The following ADAMTSL3 variants were observed in gnomAD, a reference collection of about 807,000 sequenced individuals.
ADAMTSL3 encodes the protein ADAMTS like 3, also known as ADAMTS-like protein 3.
ADAMTSL3 carries 128 observed loss-of-function variants against 201.7 expected under a neutral mutation model. The ratio of observed to expected loss-of-function variants is 0.63; its 90% CI spans 0.55 to 0.73. The LOEUF (loss-of-function observed/expected upper bound fraction) is 0.73. ADAMTSL3 is among the 30% of genes least tolerant of loss of function. The pLI is 0.00. For missense variants in ADAMTSL3, 1,990 were observed against 2,119.6 expected (o/e 0.94, Z 1.20); for synonymous variants, 738 against 748.4 (o/e 0.99, Z 0.23).
At chr15:83,857,434 G>T (rs1013134233) in intron 7 of ADAMTSL3, among the ~76,000 whole-genome samples, 2 of 152,048 alleles carry the variant, frequency 1.3e-5, no homozygotes, top group African/African-American at 4.8e-5. Flanking sequence ...GTGTATATTG[G>T]CAGGCTTTCC....
intron 13 of ADAMTSL3, among the ~76,000 whole-genome samples, chr15:83,896,998 C>T (rs993950070): frequency 6.6e-6 from 1 of 152,098 alleles, no homozygotes. Flanking sequence ...TATCATGAGA[C>T]CAGCATGGGG....
chr15:83,736,883 A>G (rs2062376959), intron 3 of ADAMTSL3, among the ~76,000 whole-genome samples: 1 of 152,202 alleles, frequency 6.6e-6, no homozygotes, highest in East Asian at 1.9e-4. Context: ...CAGTTTTGTC[A>G]AACAAACGGA....
chr15:84,034,655 A>T (rs1008366223), intron 28 of ADAMTSL3, among the ~76,000 whole-genome samples: 1 of 152,158 alleles, frequency 6.6e-6, no homozygotes, highest in Non-Finnish European at 1.5e-5. Context: ...CAGGCAGTGA[A>T]TCAGAACCTT....
intron 6 of ADAMTSL3, among the ~76,000 whole-genome samples, chr15:83,823,919 CT>C (rs1567169470): frequency 0.015 from 1,617 of 104,546 alleles, 72 homozygotes; most frequent in African/African-American, 0.05. Flanking sequence ...TCTTCTTCTT[CT>C]TCTTCTTCTT....
intron 6 of ADAMTSL3, among the ~76,000 whole-genome samples, chr15:83,822,438 C>T (rs1466693294): frequency 2.1e-5 from 3 of 142,766 alleles, no homozygotes; most frequent in Non-Finnish European, 3.0e-5. Context: ...ACTTCTCAGA[C>T]GGGGCGGTTG....
At position 83,838,152 on chromosome 15, in the gene ADAMTSL3, G is replaced by A. The variant is rs756765900; in HGVS notation, c.664G>A (p.Gly222Ser). ...AKEDNCGVCA[G>S]DGSTCRLVRG... ...GGAGGACAACTGTGGAGTCTGTGCC[G>A]GCGATGGCTCCACCTGCAGGCTTGT... The change falls in exon 7 of 30, where the codon GGC becomes AGC. Residue 222 changes from glycine (G) to serine (S), a missense_variant. Coordinates refer to ENST00000286744, the MANE Select transcript of ADAMTSL3 (RefSeq NM_207517.3). The A allele has an allele frequency of 1.7e-5, 28 of 1,612,938 alleles. No individual in the cohort carries two copies. Among genetic ancestry groups the A allele is most frequent in the African/African-American group, 1.2e-4 (9 of 74,830 alleles).
At chr15:83,829,894 G>A (rs910741699) in intron 6 of ADAMTSL3, among the ~76,000 whole-genome samples, 11 of 152,168 alleles carry the variant, frequency 7.2e-5, no homozygotes, top group Non-Finnish European at 1.5e-5. Context: ...CTGAGAGACA[G>A]TTTGTTATCA....
chr15:83,970,396 CTT>C lies in ADAMTSL3; in HGVS notation c.2491-87_2491-86del, dbSNP rs942792291. ...GGCACATCCGTACTGAAAATTTCCTCTTGTTTCACCCTTGGAGACTTTGCTGT... is the reference window on the plus strand; with the variant it reads ...GGCACATCCGTACTGAAAATTTCCTCGTTTCACCCTTGGAGACTTTGCTGT... On this transcript the variant is annotated intron_variant, in intron 19 of 29. Coordinates refer to ENST00000286744, the MANE Select transcript of ADAMTSL3 (RefSeq NM_207517.3). 38 of 1,508,816 alleles carry C rather than the reference CTT, an allele frequency of 2.5e-5. 1 individual carries two copies. The African/African-American group carries it at 3.6e-4, about 14-fold the overall frequency. 93.5% of individuals were successfully genotyped at this position (1,508,816 alleles called of 1,614,324 possible).
At chr15:83,764,409 G>A (rs941027027) in intron 3 of ADAMTSL3, among the ~76,000 whole-genome samples, 1 of 152,132 alleles carries the variant, frequency 6.6e-6, no homozygotes, top group Non-Finnish European at 1.5e-5. Context: ...TCCACCCAAT[G>A]GGAAGCTGAC....
intron 20 of ADAMTSL3, among the ~76,000 whole-genome samples, chr15:83,971,624 G>A (rs1363582538): frequency 7.3e-5 from 11 of 150,684 alleles, no homozygotes; most frequent in Non-Finnish European, 1.2e-4. Context: ...TAAGCCGAGG[G>A]CGGCCATGAC....
At chr15:83,740,321 C>T (rs536836324) in intron 3 of ADAMTSL3, 1 of 152,214 alleles carries the variant, frequency 6.6e-6, no homozygotes, top group African/African-American at 2.4e-5. Flanking sequence ...TTTTCTCCAA[C>T]CTTAGTGCAA....
intron 28 of ADAMTSL3, 89 bp from the exon 29 acceptor site, chr15:84,036,684 G>A: frequency 1.1e-6 from 1 of 951,076 alleles, no homozygotes; most frequent in Non-Finnish European, 1.6e-6. Flanking sequence ...GTAGTATAGA[G>A]TAAGGTAAAA....
At chr15:83,920,192 G>A (rs1247448009) in intron 16 of ADAMTSL3, among the ~76,000 whole-genome samples, 1 of 152,030 alleles carries the variant, frequency 6.6e-6, no homozygotes, top group Non-Finnish European at 1.5e-5. Context: ...GCCCACTATG[G>A]GCTCATTTGA....
chr15:83,932,213 C>T (rs559711155), intron 17 of ADAMTSL3, among the ~76,000 whole-genome samples: 1 of 152,300 alleles, frequency 6.6e-6, no homozygotes, highest in East Asian at 1.9e-4. Flanking sequence ...CTGTATACAT[C>T]AGTTTCTAAC....
intron 3 of ADAMTSL3, among the ~76,000 whole-genome samples, chr15:83,768,541 A>C (rs1385986329): frequency 6.6e-6 from 1 of 152,112 alleles, no homozygotes; most frequent in African/African-American, 2.4e-5. Context: ...GATGTGCGCC[A>C]AGAGAGAGCA....
chr15:83,779,525 C>T (rs796509520), intron 4 of ADAMTSL3, among the ~76,000 whole-genome samples: 3 of 151,670 alleles, frequency 2.0e-5, no homozygotes, highest in South Asian at 2.1e-4. Flanking sequence ...AATGAAACCC[C>T]GTCTCTACTA....
At chr15:83,706,083 G>T (rs1314111620) in intron 3 of ADAMTSL3, among the ~76,000 whole-genome samples, 1 of 152,018 alleles carries the variant, frequency 6.6e-6, no homozygotes, top group Non-Finnish European at 1.5e-5. Flanking sequence ...TTTTGAGAGG[G>T]TCTATAATTT....
At chr15:83,912,661 A>G (rs1412355034) in intron 15 of ADAMTSL3, among the ~76,000 whole-genome samples, 1 of 152,228 alleles carries the variant, frequency 6.6e-6, no homozygotes, top group Non-Finnish European at 1.5e-5. Flanking sequence ...TAAACTTGAG[A>G]CAGTTTAATA....
intron 7 of ADAMTSL3, among the ~76,000 whole-genome samples, chr15:83,847,431 A>G (rs1250392084): frequency 6.6e-6 from 1 of 151,260 alleles, no homozygotes; most frequent in Non-Finnish European, 1.5e-5. Flanking sequence ...CTTGAAGCAA[A>G]CCTTACTATC....
Sources: allele counts gnomAD v4.1 joint callset (sites outside exome capture counted in the v4.1 genomes callset), GRCh38; gene constraint gnomAD v4.1.1; transcripts MANE v1.5; gene names NCBI Gene and HGNC (gene_info 2026-07-23, HGNC 2026-07-21).